OR4X2: variants seen among roughly 807,000 people sequenced by gnomAD.
OR4X2 encodes olfactory receptor 4X2.
For missense variants in OR4X2, 554 were observed against 359.5 expected (o/e 1.54, Z -4.38); for synonymous variants, 205 against 136.6 (o/e 1.50, Z -3.49).
At position 48,245,595 on chromosome 11, in the gene OR4X2, T is replaced by A. The variant is rs1013420263; in HGVS notation, c.492T>A (p.Asn164Lys). The A allele has an allele frequency of 6.8e-6, 11 of 1,614,192 alleles. No individual in the cohort carries two copies. In the African/African-American group the frequency reaches 8.0e-5, roughly 12 times the overall value. The change falls in exon 1 of 1, where the codon AAT becomes AAA. Residue 164 changes from asparagine to lysine, a missense_variant. Physicochemically the swap from Asn to Lys is moderately conservative, Grantham distance 94. Coordinates refer to ENST00000624868, the MANE Select transcript of OR4X2 (RefSeq NM_001004727.1). ...TCCACCTGCTCTTCTGTGGCCCCAA[T>A]GTGATCAATCACTATTTCTGTGACC... ...LIFHLLFCGPNVINHYFCDLV... is the reference protein window; with the variant it reads ...LIFHLLFCGPKVINHYFCDLV...
Position 48,245,822 on chromosome 11 carries a change from T to A in OR4X2, c.719T>A (p.Ile240Asn). Residue 240 changes from isoleucine (I) to asparagine (N), a missense_variant, in exon 1 of 1, where the codon ATC becomes AAC. Ile to Asn is a moderately radical substitution (Grantham distance 149). Transcript: ENST00000624868. ...STCGSHFAVV[I>N]LFFGPCVFNS... ...TGTGGGTCCCATTTCGCTGTGGTTA[T>A]CTTGTTCTTTGGGCCCTGCGTCTTC... The A allele has an allele frequency of 6.2e-7, 1 of 1,614,114 alleles. No individual in the cohort carries two copies. The highest frequency in any genetic ancestry group is 8.5e-7 in the Non-Finnish European group (1 of 1,180,006).
chr11:48,245,176 T>C lies in OR4X2; in HGVS notation c.73T>C (p.Phe25Leu), dbSNP rs1859045992. The C allele has an allele frequency of 6.2e-7, 1 of 1,614,088 alleles. No homozygotes were observed. Among genetic ancestry groups the C allele is most frequent in the Non-Finnish European group, 8.5e-7 (1 of 1,179,964 alleles). Reference protein sequence around the residue: ...VQRVCFVIFLFLYTAIVLGNF... With the variant: ...VQRVCFVIFLLLYTAIVLGNF... Reference sequence around the variant, plus strand: ...GAGGGTTTGCTTTGTGATATTTCTGTTCTTGTACACAGCAATTGTGCTGGG... The same window carrying C: ...GAGGGTTTGCTTTGTGATATTTCTGCTCTTGTACACAGCAATTGTGCTGGG... Residue 25 changes from phenylalanine to leucine, a missense_variant, in exon 1 of 1, where the codon TTC becomes CTC. Physicochemically the swap from Phe to Leu is conservative, Grantham distance 22 (BLOSUM62 0). Transcript: ENST00000624868.
rs778260598 is a variant in OR4X2 at position 48,245,942 on chromosome 11, C to A, written c.839C>A (p.Ser280Tyr). The A allele has an allele frequency of 6.2e-7, 1 of 1,614,100 alleles. No individual in the cohort carries two copies. The highest frequency in any genetic ancestry group is 1.1e-5 in the South Asian group (1 of 91,068). The change falls in exon 1 of 1, where the codon TCT becomes TAT. Residue 280 changes from serine to tyrosine, a missense_variant. Ser to Tyr is a moderately radical substitution (Grantham distance 144). Transcript: ENST00000624868. ...ITAILNPVIY[S>Y]LRNAEMRKAM... The stretch of plus-strand genomic sequence containing the variant: ...GCGATCCTGAACCCTGTCATCTACT[C>A]TCTGAGAAATGCTGAAATGAGGAAG...
In OR4X2 at chr11:48,245,988, T is replaced by C. The variant is rs1859069332; in HGVS notation, c.885T>C (p.Ile295=). 3.7e-6 allele frequency: 6 copies of C among 1,613,704 alleles called. No individual in the cohort carries two copies. The highest frequency in any genetic ancestry group is 5.1e-6 in the Non-Finnish European group (6 of 1,179,840). The part of the protein sequence containing the change: ...EMRKAMKRLW[I]RTLRLNEK Reference sequence around the variant, plus strand: ...GGAAGGCCATGAAGAGGCTGTGGATTAGGACATTGAGACTAAATGAGAAAT... The same window carrying C: ...GGAAGGCCATGAAGAGGCTGTGGATCAGGACATTGAGACTAAATGAGAAAT... Residue 295 remains isoleucine (I), a synonymous_variant, in exon 1 of 1, where the codon ATT becomes ATC. Transcript: ENST00000624868.
rs750886198 is a variant in OR4X2 at position 48,245,766 on chromosome 11, C to A, written c.663C>A (p.Ser221Arg). 6.2e-7 allele frequency: 1 copy of A among 1,614,118 alleles called. No individual in the cohort carries two copies. The change falls in exon 1 of 1, where the codon AGC becomes AGA. Residue 221 changes from serine to arginine, a missense_variant. Physicochemically the swap from Ser to Arg is moderately radical, Grantham distance 110. Coordinates refer to ENST00000624868, the MANE Select transcript of OR4X2 (RefSeq NM_001004727.1). ...MVILLHLRTW[S>R]SEGWCKALST... ...TCTTGCTCCATCTGAGAACCTGGAGCTCTGAAGGGTGGTGCAAAGCCCTCT... is the reference window on the plus strand; with the variant it reads ...TCTTGCTCCATCTGAGAACCTGGAGATCTGAAGGGTGGTGCAAAGCCCTCT...
rs780546638 is a variant in OR4X2 at position 48,245,188 on chromosome 11, G to A, written c.85G>A (p.Ala29Thr). The stretch of plus-strand genomic sequence containing the variant: ...TGTGATATTTCTGTTCTTGTACACA[G>A]CAATTGTGCTGGGGAATTTCCTCAT... ...CFVIFLFLYT[A>T]IVLGNFLIVL... Residue 29 changes from alanine to threonine, a missense_variant, in exon 1 of 1, where the codon GCA becomes ACA. Coordinates refer to ENST00000624868, the MANE Select transcript of OR4X2 (RefSeq NM_001004727.1). 1.2e-6 allele frequency: 2 copies of A among 1,614,096 alleles called. No homozygotes were observed. The highest frequency in any genetic ancestry group is 2.2e-5 in the East Asian group (1 of 44,874).
In OR4X2 at chr11:48,245,240, G is replaced by T. The variant is rs1859048588; in HGVS notation, c.137G>T (p.Ser46Ile). ...GTGCTCACTGTCATGACCAGCAGAA[G>T]CCTTGGTTCCCCCATGTACTTCTTC... ...LIVLTVMTSR[S>I]LGSPMYFFLS... is the part of the protein sequence containing the mutation. Residue 46 changes from serine (S) to isoleucine (I), a missense_variant, in exon 1 of 1, where the codon AGC becomes ATC. Physicochemically the swap from Ser to Ile is moderately radical, Grantham distance 142. Coordinates refer to ENST00000624868, the MANE Select transcript of OR4X2 (RefSeq NM_001004727.1). The T allele has an allele frequency of 2.5e-6, 4 of 1,614,008 alleles. No individual in the cohort carries two copies. Among genetic ancestry groups the T allele is most frequent in the African/African-American group, 1.3e-5 (1 of 74,912 alleles).
In OR4X2 at chr11:48,245,961, G is replaced by A. The variant is rs1438504384; in HGVS notation, c.858G>A (p.Met286Ile). 2 of 1,614,004 alleles carry A rather than the reference G, an allele frequency of 1.2e-6. No homozygotes were observed. Among genetic ancestry groups the A allele is most frequent in the South Asian group, 1.1e-5 (1 of 91,082 alleles). The change falls in exon 1 of 1, where the codon ATG becomes ATA. Residue 286 changes from methionine to isoleucine, a missense_variant. Met to Ile is a conservative substitution (Grantham distance 10). Transcript: ENST00000624868. ...PVIYSLRNAE[M>I]RKAMKRLWIR... ...TCTACTCTCTGAGAAATGCTGAAATGAGGAAGGCCATGAAGAGGCTGTGGA... is the reference window on the plus strand; with the variant it reads ...TCTACTCTCTGAGAAATGCTGAAATAAGGAAGGCCATGAAGAGGCTGTGGA...
At position 48,245,328 on chromosome 11, in the gene OR4X2, A is replaced by C. The variant is rs1167614869; in HGVS notation, c.225A>C (p.Ser75=). The change falls in exon 1 of 1, where the codon TCA becomes TCC. Residue 75 remains serine, a synonymous_variant. Transcript: ENST00000624868. ...YSSATAPKLI[S]DLLAERKVIS... ...CCGCTACAGCCCCCAAACTCATCTC[A>C]GATCTGCTGGCTGAAAGGAAAGTCA... 1 of 1,613,986 alleles carries C rather than the reference A, an allele frequency of 6.2e-7. No homozygotes were observed. Among genetic ancestry groups the C allele is most frequent in the Non-Finnish European group, 8.5e-7 (1 of 1,179,976 alleles).
rs1421592968 is a variant in OR4X2 at position 48,245,160 on chromosome 11, C to T, written c.57C>T (p.Cys19=). Residue 19 remains cysteine (C), a synonymous_variant, in exon 1 of 1, where the codon TGC becomes TGT. Transcript: ENST00000624868. Reference sequence around the variant, plus strand: ...CCAACCAGGAGGTGCAGAGGGTTTGCTTTGTGATATTTCTGTTCTTGTACA... The same window carrying T: ...CCAACCAGGAGGTGCAGAGGGTTTGTTTTGTGATATTTCTGTTCTTGTACA... The part of the protein sequence containing the change: ...LSPNQEVQRV[C]FVIFLFLYTA... The T allele has an allele frequency of 1.9e-6, 3 of 1,613,962 alleles. No homozygotes were observed. Among genetic ancestry groups the T allele is most frequent in the African/African-American group, 1.3e-5 (1 of 74,896 alleles).
At position 48,245,192 on chromosome 11, in the gene OR4X2, T is replaced by C. The variant is rs781600156; in HGVS notation, c.89T>C (p.Ile30Thr). The C allele has an allele frequency of 6.2e-7, 1 of 1,613,994 alleles. No homozygotes were observed. Among genetic ancestry groups the C allele is most frequent in the Non-Finnish European group, 8.5e-7 (1 of 1,179,992 alleles). The change falls in exon 1 of 1, where the codon ATT becomes ACT. Residue 30 changes from isoleucine to threonine, a missense_variant. Transcript: ENST00000624868. ...FVIFLFLYTA[I>T]VLGNFLIVLT... is the part of the protein sequence containing the mutation. ...ATATTTCTGTTCTTGTACACAGCAA[T>C]TGTGCTGGGGAATTTCCTCATTGTG...
rs987363453 is a variant in OR4X2 at position 48,245,393 on chromosome 11, A to G, written c.290A>G (p.His97Arg). The G allele has an allele frequency of 6.2e-7, 1 of 1,614,020 alleles. No homozygotes were observed. The highest frequency in any genetic ancestry group is 1.3e-5 in the African/African-American group (1 of 74,996). The part of the protein sequence containing the change: ...WGCMAQLFFL[H>R]FFGGTEIFLL... ...TGCATGGCACAGCTTTTCTTCTTGC[A>G]CTTCTTTGGTGGCACTGAGATTTTC... Residue 97 changes from histidine to arginine, a missense_variant, in exon 1 of 1, where the codon CAC becomes CGC. His to Arg is a conservative substitution (Grantham distance 29). Transcript: ENST00000624868.
chr11:48,245,758 ACCTGGAG>A lies in OR4X2; in HGVS notation c.657_663del (p.Trp220LeufsTer30). The A allele has an allele frequency of 6.2e-7, 1 of 1,613,952 alleles. No homozygotes were observed. Among genetic ancestry groups the A allele is most frequent in the Non-Finnish European group, 8.5e-7 (1 of 1,179,988 alleles). On this transcript the variant is annotated frameshift_variant, in exon 1 of 1. Coordinates refer to ENST00000624868, the MANE Select transcript of OR4X2 (RefSeq NM_001004727.1). LOFTEE classifies it low-confidence loss of function (END_TRUNC). ...TATGGTCATCTTGCTCCATCTGAGAACCTGGAGCTCTGAAGGGTGGTGCAAAGCCCTC... is the reference window on the plus strand; with the variant it reads ...TATGGTCATCTTGCTCCATCTGAGAACTCTGAAGGGTGGTGCAAAGCCCTC...
Position 48,245,719 on chromosome 11 carries a change from C to T in OR4X2, c.616C>T (p.Leu206Phe). The T allele has an allele frequency of 6.2e-7, 1 of 1,614,116 alleles. No individual in the cohort carries two copies. Among genetic ancestry groups the T allele is most frequent in the African/African-American group, 1.3e-5 (1 of 75,034 alleles). ...GTLSVISFGV[L>F]LASYMVILLH... ...CCTGTCTGTGATCAGTTTTGGGGTC[C>T]TCTTAGCATCCTATATGGTCATCTT... The change falls in exon 1 of 1, where the codon CTC becomes TTC. Residue 206 changes from leucine (L) to phenylalanine (F), a missense_variant. Transcript: ENST00000624868.
At position 48,245,305 on chromosome 11, in the gene OR4X2, G is replaced by C. The variant is rs61737299; in HGVS notation, c.202G>C (p.Ala68Pro). 1.2e-6 allele frequency: 2 copies of C among 1,613,912 alleles called. No individual in the cohort carries two copies. Among genetic ancestry groups the C allele is most frequent in the East Asian group, 2.2e-5 (1 of 44,862 alleles). Residue 68 changes from alanine (A) to proline (P), a missense_variant, in exon 1 of 1, where the codon GCT (alanine) becomes CCT (proline). By Grantham distance (27) the Ala-to-Pro change is conservative. Coordinates refer to ENST00000624868, the MANE Select transcript of OR4X2 (RefSeq NM_001004727.1). ...LSFMEICYSSATAPKLISDLL... is the reference protein window; with the variant it reads ...LSFMEICYSSPTAPKLISDLL... ...CTTCATGGAGATCTGCTACTCCTCC[G>C]CTACAGCCCCCAAACTCATCTCAGA...
chr11:48,245,954 C>G lies in OR4X2; in HGVS notation c.851C>G (p.Ala284Gly), dbSNP rs768404521. ...CCTGTCATCTACTCTCTGAGAAATG[C>G]TGAAATGAGGAAGGCCATGAAGAGG... ...LNPVIYSLRN[A>G]EMRKAMKRLW... Residue 284 changes from alanine to glycine, a missense_variant, in exon 1 of 1, where the codon GCT becomes GGT. By Grantham distance (60) the Ala-to-Gly change is moderately conservative. Coordinates refer to ENST00000624868, the MANE Select transcript of OR4X2 (RefSeq NM_001004727.1). The G allele has an allele frequency of 6.2e-7, 1 of 1,613,908 alleles. No individual in the cohort carries two copies. Among genetic ancestry groups the G allele is most frequent in the African/African-American group, 1.3e-5 (1 of 74,886 alleles).
In OR4X2 at chr11:48,245,178, C is replaced by T; in HGVS notation, c.75C>T (p.Phe25=). The T allele has an allele frequency of 6.2e-7, 1 of 1,614,052 alleles. No individual in the cohort carries two copies. Among genetic ancestry groups the T allele is most frequent in the Non-Finnish European group, 8.5e-7 (1 of 1,179,932 alleles). ...VQRVCFVIFL[F]LYTAIVLGNF... is the part of the protein sequence containing the mutation. ...GGGTTTGCTTTGTGATATTTCTGTT[C>T]TTGTACACAGCAATTGTGCTGGGGA... Residue 25 remains phenylalanine, a synonymous_variant, in exon 1 of 1, where the codon TTC becomes TTT. Coordinates refer to ENST00000624868, the MANE Select transcript of OR4X2 (RefSeq NM_001004727.1).
In OR4X2 at chr11:48,245,249, C is replaced by T. The variant is rs1233610828; in HGVS notation, c.146C>T (p.Ser49Phe). The change falls in exon 1 of 1, where the codon TCC (serine) becomes TTC (phenylalanine). Residue 49 changes from serine to phenylalanine, a missense_variant. Physicochemically the swap from Ser to Phe is radical, Grantham distance 155 (BLOSUM62 -2). Transcript: ENST00000624868. ...LTVMTSRSLG[S>F]PMYFFLSYLS... ...GTCATGACCAGCAGAAGCCTTGGTTCCCCCATGTACTTCTTCCTCAGCTAC... is the reference window on the plus strand; with the variant it reads ...GTCATGACCAGCAGAAGCCTTGGTTTCCCCATGTACTTCTTCCTCAGCTAC... 6.2e-7 allele frequency: 1 copy of T among 1,613,988 alleles called. No homozygotes were observed.
At position 48,245,422 on chromosome 11, in the gene OR4X2, C is replaced by T. The variant is rs182332515; in HGVS notation, c.319C>T (p.Leu107Phe). ...CTTTGGTGGCACTGAGATTTTCCTG[C>T]TCACTGTGATGGCCTATGACCACTA... ...HFFGGTEIFL[L>F]TVMAYDHYVA... The change falls in exon 1 of 1, where the codon CTC becomes TTC. Residue 107 changes from leucine to phenylalanine, a missense_variant. Leu to Phe is a conservative substitution (Grantham distance 22). Coordinates refer to ENST00000624868, the MANE Select transcript of OR4X2 (RefSeq NM_001004727.1). The T allele has an allele frequency of 6.2e-6, 10 of 1,614,160 alleles. No individual in the cohort carries two copies. In the East Asian group the frequency reaches 1.6e-4, roughly 25 times the overall value.
Sources: gnomAD v4.1 joint callset for allele counts on GRCh38, gnomAD v4.1.1 for gene constraint, MANE v1.5 for transcripts, NCBI Gene and HGNC (gene_info 2026-07-23, HGNC 2026-07-21) for gene names.